The following CPVL variants were observed in gnomAD, a reference collection of about 807,000 sequenced individuals.
CPVL encodes carboxypeptidase vitellogenic like.
CPVL carries 51 observed loss-of-function variants against 63.7 expected under a neutral mutation model. That is an observed-to-expected ratio of 0.80 (90% CI 0.64 to 1.01). CPVL has a LOEUF of 1.01. Among genes scored for constraint, CPVL ranks in the 50% least tolerant of loss-of-function variants. The probability of loss-of-function intolerance (pLI) is 0.00; values close to 1 mark genes in which losing one functional copy is unlikely to be tolerated. For synonymous variants in CPVL, 195 were observed against 206.0 expected, an observed-to-expected ratio of 0.95 and a Z score of 0.46; for missense variants, 530 against 573.1, an observed-to-expected ratio of 0.92 and a Z score of 0.77.
intron 5 of CPVL, among the ~76,000 whole-genome samples, chr7:29,174,755 G>A (rs1423331615): frequency 6.6e-6 from 1 of 151,944 alleles, no homozygotes; most frequent in Non-Finnish European, 1.5e-5. Flanking sequence ...AGCTACTTGG[G>A]AGGCTGAGGC....
intron 12 of CPVL, among the ~76,000 whole-genome samples, chr7:29,015,015 G>A (rs1375160485): frequency 6.6e-6 from 1 of 152,184 alleles, no homozygotes; most frequent in Non-Finnish European, 1.5e-5. Context: ...TAGCCTGATC[G>A]TCCACTCGAA....
chr7:29,183,081 C>CTTT (rs34942216), intron 4 of CPVL, among the ~76,000 whole-genome samples: 3 of 131,892 alleles, frequency 2.3e-5, no homozygotes, highest in Non-Finnish European at 3.2e-5. Flanking sequence ...ACATGGCAGA[C>CTTT]TTTTTTTTTT....
intron 5 of CPVL, among the ~76,000 whole-genome samples, chr7:29,178,344 G>C (rs1220523335): frequency 6.6e-6 from 1 of 152,140 alleles, no homozygotes; most frequent in Non-Finnish European, 1.5e-5. Context: ...GTGGCTGCTA[G>C]GATCTGACAT....
rs992200147 is a variant in CPVL, at chr7:29,015,359, G to C, written c.1320+15218C>G. 2.0e-5 allele frequency among the ~76,000 whole-genome samples: 3 copies of C among 152,242 alleles called. No homozygotes were observed. In the East Asian group the frequency reaches 5.8e-4, roughly 29 times the overall value. ...TTGTCTAATGGTAATCCCCAATTTG[G>C]AGGTGGGGCCTGGTGGGAGGTGATT... On this transcript the variant is annotated intron_variant, in intron 12 of 12. Coordinates refer to ENST00000265394, the MANE Select transcript of CPVL (RefSeq NM_031311.5).
At chr7:29,166,070 G>T (rs957288843) in intron 5 of CPVL, among the ~76,000 whole-genome samples, 2 of 152,084 alleles carry the variant, frequency 1.3e-5, no homozygotes, top group African/African-American at 2.4e-5. Context: ...CTCACTCTAT[G>T]CCTAGGCTGG....
chr7:29,185,162 C>T (rs997697163), intron 3 of CPVL, among the ~76,000 whole-genome samples: 4 of 152,176 alleles, frequency 2.6e-5, no homozygotes, highest in African/African-American at 9.7e-5. Context: ...CCCATCTGAA[C>T]TGAAAATCCC....
chr7:29,039,097 T>C (rs1788818520), intron 11 of CPVL, among the ~76,000 whole-genome samples: 1 of 152,218 alleles, frequency 6.6e-6, no homozygotes, highest in Non-Finnish European at 1.5e-5. Flanking sequence ...TATGCTTTCA[T>C]TCTTTAAGTT....
At chr7:29,164,345 CTCT>C (rs1196931195) in intron 5 of CPVL, among the ~76,000 whole-genome samples, 2 of 152,066 alleles carry the variant, frequency 1.3e-5, no homozygotes, top group Non-Finnish European at 2.9e-5. Flanking sequence ...TAGGTTGTTT[CTCT>C]TCTTATTAAG....
intron 1 of CPVL, among the ~76,000 whole-genome samples, chr7:29,130,473 C>T (rs969260647): frequency 5.3e-5 from 8 of 152,170 alleles, no homozygotes; most frequent in Admixed American, 2.0e-4. Flanking sequence ...GGGTTAAATA[C>T]AATTAAATGG....
chr7:29,134,360 C>A (rs1790980957), intron 1 of CPVL, among the ~76,000 whole-genome samples: 1 of 152,228 alleles, frequency 6.6e-6, no homozygotes, highest in African/African-American at 2.4e-5. Flanking sequence ...ATCCCTTCAA[C>A]ACAGTGTCCA....
At chr7:29,127,887 A>T (rs1332404566) in intron 1 of CPVL, 3 of 151,900 alleles carry the variant, frequency 2.0e-5, no homozygotes, top group Non-Finnish European at 4.4e-5. Flanking sequence ...CTAAACACAC[A>T]TGGTTTTCCC....
At chr7:29,067,302 CAG>C (rs1375656918) in intron 9 of CPVL, among the ~76,000 whole-genome samples, 9 of 152,110 alleles carry the variant, frequency 5.9e-5, no homozygotes, top group Non-Finnish European at 1.3e-4. Context: ...AATAATGCTG[CAG>C]AGAGTGACAG....
chr7:29,062,249 T>C (rs927484883), intron 11 of CPVL, among the ~76,000 whole-genome samples: 1 of 151,986 alleles, frequency 6.6e-6, no homozygotes, highest in African/African-American at 2.4e-5. Flanking sequence ...AGACTGAGAG[T>C]CTGCACGTTA....
intron 12 of CPVL, chr7:28,996,117 T>C: frequency 2.4e-6 from 1 of 423,380 alleles, no homozygotes; most frequent in Non-Finnish European, 4.1e-6. Flanking sequence ...TGTATTCTTT[T>C]CTCATGAGTG....
intron 11 of CPVL, among the ~76,000 whole-genome samples, chr7:29,040,438 C>T (rs1036596175): frequency 2.0e-5 from 3 of 152,160 alleles, no homozygotes; most frequent in Non-Finnish European, 2.9e-5. Context: ...GCGTTGACCT[C>T]AGCTGTCCAT....
chr7:29,145,283 G>A (rs940521647), intron 1 of CPVL, among the ~76,000 whole-genome samples: 1 of 149,326 alleles, frequency 6.7e-6, no homozygotes, highest in Non-Finnish European at 1.5e-5. Flanking sequence ...GAAAAAAAAT[G>A]AGTTGTACAT....
At chr7:29,191,127 G>T (rs1782843154) in intron 1 of CPVL, among the ~76,000 whole-genome samples, 1 of 151,952 alleles carries the variant, frequency 6.6e-6, no homozygotes, top group South Asian at 2.1e-4. Flanking sequence ...TAGAGATGAG[G>T]CCTCATGTTG....
At chr7:29,144,961 A>G (rs1173525648) in intron 1 of CPVL, among the ~76,000 whole-genome samples, 1 of 151,872 alleles carries the variant, frequency 6.6e-6, no homozygotes, top group Admixed American at 6.6e-5. Flanking sequence ...CTCCCAAACA[A>G]TCATCTCCTA....
At chr7:29,135,269 T>C (rs1284759936) in intron 1 of CPVL, among the ~76,000 whole-genome samples, 3 of 151,784 alleles carry the variant, frequency 2.0e-5, no homozygotes, top group Non-Finnish European at 2.9e-5. Flanking sequence ...TTAGAAACTT[T>C]CCAGAGAAGA....
Sources: gnomAD v4.1 joint callset for allele counts (sites outside exome capture counted in the v4.1 genomes callset) on GRCh38, gnomAD v4.1.1 for gene constraint, MANE v1.5 for transcripts, NCBI Gene and HGNC (gene_info 2026-07-23, HGNC 2026-07-21) for gene names.